The following GNG4 variants were observed in gnomAD, a reference collection of about 807,000 sequenced individuals.
The protein encoded by GNG4 is G protein subunit gamma 4.
In GNG4, 4 loss-of-function variants were observed where a neutral mutation model predicts 5.8. The ratio of observed to expected loss-of-function variants is 0.69; its 90% confidence interval spans 0.34 to 1.57. GNG4 has a LOEUF of 1.57. Among genes scored for constraint, GNG4 ranks in the 40% most tolerant of loss-of-function variants. The pLI is 0.06. For synonymous variants in GNG4, 29 were observed against 32.9 expected, an observed-to-expected ratio of 0.88 and a Z score of 0.41; for missense variants, 96 against 95.1, an observed-to-expected ratio of 1.01 and a Z score of -0.04.
rs557433733 is a variant in GNG4, at chr1:235,618,298, C to T, written c.-122-22787G>A. Reference sequence around the variant, plus strand: ...GTTACCGCTTCCTCCCTCACACACACACAAAAAGTGGAATCCTTCGTTGAA... The same window carrying T: ...GTTACCGCTTCCTCCCTCACACACATACAAAAAGTGGAATCCTTCGTTGAA... On this transcript the variant is annotated intron_variant, in intron 1 of 3. Transcript: ENST00000391854. 2.4e-4 allele frequency among the ~76,000 whole-genome samples: 37 copies of T among 152,256 alleles called. No individual in the cohort carries two copies. The East Asian group carries it at 6.4e-3, about 26-fold the overall frequency.
intron 1 of GNG4, among the ~76,000 whole-genome samples, chr1:235,596,600 T>C (rs1388597495): frequency 6.6e-6 from 1 of 152,240 alleles, no homozygotes; most frequent in Non-Finnish European, 1.5e-5. Context: ...CCAGTGATAA[T>C]GCCTTTTCCC....
At chr1:235,570,862 ATGTGTGTG>A (rs1553365373) in intron 3 of GNG4, among the ~76,000 whole-genome samples, 2 of 141,542 alleles carry the variant, frequency 1.4e-5, no homozygotes, top group Admixed American at 1.4e-4. Context: ...ATATATATAT[ATGTGTGTG>A]TGTGTGTGTG....
chr1:235,635,909 A>AC (rs1426732700), intron 1 of GNG4, among the ~76,000 whole-genome samples: 1 of 152,174 alleles, frequency 6.6e-6, no homozygotes, highest in Non-Finnish European at 1.5e-5. Flanking sequence ...GTATTCAGAG[A>AC]CCCCTTGCAG....
rs545707693 is a variant in GNG4 at position 235,625,116 on chromosome 1, G to A, written c.-123+24546C>T. Among the ~76,000 whole-genome samples, 623 of 152,246 alleles carry A rather than the reference G, an allele frequency of 4.1e-3. 5 individuals carry two copies. The highest frequency in any genetic ancestry group is 0.014 in the African/African-American group (580 of 41,544). ...GCTCTGGGGCTCTGGGGGAGGGAAC[G>A]AAGATTGATGTCTTTTGCAGGCCGA... On this transcript the variant is annotated intron_variant, in intron 1 of 3. Transcript: ENST00000391854.
intron 3 of GNG4, among the ~76,000 whole-genome samples, chr1:235,576,017 C>T (rs1003018970): frequency 6.6e-6 from 1 of 151,474 alleles, no homozygotes; most frequent in African/African-American, 2.4e-5. Flanking sequence ...GCCATAACCG[C>T]TTGTCGGATT....
At chr1:235,634,413 C>T (rs1688989163) in intron 1 of GNG4, among the ~76,000 whole-genome samples, 1 of 152,158 alleles carries the variant, frequency 6.6e-6, no homozygotes, top group South Asian at 2.1e-4. Context: ...CTGGAGAGGG[C>T]TAAGTGCAGT....
At chr1:235,625,384 G>A (rs1402020241) in intron 1 of GNG4, among the ~76,000 whole-genome samples, 2 of 152,188 alleles carry the variant, frequency 1.3e-5, no homozygotes, top group Non-Finnish European at 2.9e-5. Context: ...TGAACATCCT[G>A]CACCAGAGTG....
intron 2 of GNG4, among the ~76,000 whole-genome samples, chr1:235,592,104 T>C (rs1215802864): frequency 6.6e-6 from 1 of 152,224 alleles, no homozygotes; most frequent in Non-Finnish European, 1.5e-5. Flanking sequence ...CATATGTCTC[T>C]GAGTTGTTTT....
At chr1:235,555,383 A>G (rs1239045714) in intron 3 of GNG4, among the ~76,000 whole-genome samples, 1 of 152,168 alleles carries the variant, frequency 6.6e-6, no homozygotes, top group Non-Finnish European at 1.5e-5. Context: ...CATAATACAA[A>G]TAGAAGCTAA....
intron 3 of GNG4, among the ~76,000 whole-genome samples, chr1:235,582,202 C>G (rs1687654481): frequency 6.6e-6 from 1 of 152,226 alleles, no homozygotes; most frequent in Admixed American, 6.5e-5. Context: ...CAACTACCTC[C>G]TCACCTCTGA....
At chr1:235,637,225 C>T (rs1255548423) in intron 1 of GNG4, among the ~76,000 whole-genome samples, 2 of 152,136 alleles carry the variant, frequency 1.3e-5, no homozygotes, top group Non-Finnish European at 2.9e-5. Flanking sequence ...ATTGAGCAGA[C>T]ATATCGGGAG....
At chr1:235,609,144 C>T (rs1048828126) in intron 1 of GNG4, among the ~76,000 whole-genome samples, 9 of 152,130 alleles carry the variant, frequency 5.9e-5, no homozygotes, top group African/African-American at 2.2e-4. Context: ...GCTTTTTTCA[C>T]TTAGTGTAAT....
intron 1 of GNG4, among the ~76,000 whole-genome samples, chr1:235,623,136 C>T (rs1167180168): frequency 2.0e-5 from 3 of 152,088 alleles, no homozygotes; most frequent in African/African-American, 7.3e-5. Context: ...GCACCTTTTC[C>T]TGTTTCCCTG....
chr1:235,609,255 G>A (rs566815979), intron 1 of GNG4, among the ~76,000 whole-genome samples: 1 of 151,726 alleles, frequency 6.6e-6, no homozygotes, highest in East Asian at 1.9e-4. Context: ...TTAGTTTATC[G>A]GCCCATCTGC....
chr1:235,631,264 T>C (rs1050287092), intron 1 of GNG4, among the ~76,000 whole-genome samples: 2 of 152,210 alleles, frequency 1.3e-5, no homozygotes, highest in African/African-American at 4.8e-5. Flanking sequence ...ACCTTATAAA[T>C]GTTTACCCCT....
At chr1:235,635,753 G>T (rs139681864) in intron 1 of GNG4, among the ~76,000 whole-genome samples, 1 of 152,052 alleles carries the variant, frequency 6.6e-6, no homozygotes, top group Non-Finnish European at 1.5e-5. Flanking sequence ...GATACAACAC[G>T]ACAAAGCTGT....
intron 1 of GNG4, among the ~76,000 whole-genome samples, chr1:235,639,440 A>G (rs1362720866): frequency 2.0e-5 from 3 of 152,168 alleles, no homozygotes; most frequent in African/African-American, 7.2e-5. Context: ...CAATAGTTCC[A>G]TCTGGCCAAA....
intron 2 of GNG4, among the ~76,000 whole-genome samples, chr1:235,594,669 C>A (rs1048198742): frequency 2.0e-5 from 3 of 152,222 alleles, no homozygotes; most frequent in Admixed American, 2.0e-4. Flanking sequence ...GCGGGCCGGC[C>A]GCTCCCAGTG....
intron 3 of GNG4, among the ~76,000 whole-genome samples, chr1:235,567,113 T>C (rs939223089): frequency 1.3e-5 from 2 of 151,760 alleles, no homozygotes; most frequent in African/African-American, 4.8e-5. Context: ...AAAAAAAATT[T>C]AGTAGAGATG....
Sources: gnomAD v4.1 joint callset for allele counts (sites outside exome capture counted in the v4.1 genomes callset) on GRCh38, gnomAD v4.1.1 for gene constraint, MANE v1.5 for transcripts, NCBI Gene and HGNC (gene_info 2026-07-23, HGNC 2026-07-21) for gene names.